Variants in GYG1 observed in about 807,000 individuals in gnomAD.
GYG1 encodes the protein glycogenin-1.
GYG1 carries 44 observed loss-of-function variants against 41.9 expected under a neutral mutation model. That is an observed-to-expected ratio of 1.05 (90% confidence interval 0.83 to 1.35). The LOEUF (loss-of-function observed/expected upper bound fraction) is 1.35, where lower values mean the gene tolerates loss of function less well. GYG1 is among the 40% of genes most tolerant of loss of function. The probability of loss-of-function intolerance (pLI) is 0.00; values close to 1 mark genes in which losing one functional copy is unlikely to be tolerated. For synonymous variants in GYG1, 141 were observed against 158.1 expected (o/e 0.89, Z 0.81); for missense variants, 429 against 418.9 (o/e 1.02, Z -0.21).
intron 5 of GYG1, among the ~76,000 whole-genome samples, chr3:149,011,107 T>C (rs956753640): frequency 2.0e-5 from 3 of 152,086 alleles, no homozygotes; most frequent in Non-Finnish European, 4.4e-5. Flanking sequence ...CTTTGTACAA[T>C]GGGAACAAGC....
At chr3:149,000,545 A>G (rs374791254) in intron 4 of GYG1, among the ~76,000 whole-genome samples, 29 of 152,348 alleles carry the variant, frequency 1.9e-4, no homozygotes, top group African/African-American at 6.5e-4. Context: ...CTCTGAAGAA[A>G]TCAACCTGAA....
Position 149,026,851 on chromosome 3 carries a change from G to A in GYG1, c.971G>A (p.Arg324Gln), listed in dbSNP as rs567555713. 1.1e-5 allele frequency: 17 copies of A among 1,613,974 alleles called. No individual in the cohort carries two copies. The highest frequency in any genetic ancestry group is 6.7e-5 in the African/African-American group (5 of 75,048). The change falls in exon 8 of 8, where the codon CGA becomes CAA. Residue 324 changes from arginine (R) to glutamine (Q), a missense_variant. By Grantham distance (43) the Arg-to-Gln change is conservative. Transcript: ENST00000345003. ...GTATCCTCGGAAGAACGGAAGGAAC[G>A]ATGGGAACAGGGCCAGGCTGATTAT... is the stretch of plus-strand genomic sequence containing the variant. ...PFVSSEERKERWEQGQADYMG... is the reference protein window; with the variant it reads ...PFVSSEERKEQWEQGQADYMG...
Position 149,030,962 on chromosome 3 carries a change from T to C in GYG1, c.*4029T>C, listed in dbSNP as rs1385970684. ...TTCCAACACTCTTAAGTCTCAGGTA[T>C]TCTTAAATCTGTATCATCAAACATG... is the stretch of plus-strand genomic sequence containing the variant. On this transcript the variant is annotated 3_prime_UTR_variant, in exon 8 of 8. Coordinates refer to ENST00000345003, the MANE Select transcript of GYG1 (RefSeq NM_004130.4). 6.6e-6 allele frequency: 1 copy of C among 152,202 alleles called. No individual in the cohort carries two copies. Among genetic ancestry groups the C allele is most frequent in the Non-Finnish European group, 1.5e-5 (1 of 68,028 alleles). 9.4% of individuals were successfully genotyped at this position (152,202 alleles called of 1,614,324 possible).
intron 4 of GYG1, among the ~76,000 whole-genome samples, chr3:149,003,493 C>A (rs188981866): frequency 6.6e-6 from 1 of 152,128 alleles, no homozygotes; most frequent in Admixed American, 6.5e-5. Flanking sequence ...TCTGAATCTT[C>A]CTATTATGTG....
chr3:148,995,301 TTGTGA>T (rs2107885812), intron 2 of GYG1, among the ~76,000 whole-genome samples: 1 of 152,308 alleles, frequency 6.6e-6, no homozygotes, highest in South Asian at 2.1e-4. Context: ...ACTAGTAACT[TTGTGA>T]TGTGTTTATT....
intron 5 of GYG1, among the ~76,000 whole-genome samples, chr3:149,019,910 G>A (rs956528707): frequency 1.3e-5 from 2 of 152,240 alleles, no homozygotes; most frequent in Non-Finnish European, 2.9e-5. Context: ...GCCATGCTGG[G>A]ATACGGACAG....
intron 4 of GYG1, among the ~76,000 whole-genome samples, chr3:148,999,719 G>T (rs1336334231): frequency 1.3e-5 from 2 of 152,052 alleles, no homozygotes; most frequent in Non-Finnish European, 2.9e-5. Context: ...AAAGTAAATA[G>T]TCTTAAATAT....
Position 148,994,198 on chromosome 3 carries a change from C to T in GYG1, c.64C>T (p.Leu22=). Reference sequence around the variant, plus strand: ...TGCCTACGCCAAAGGTGCCCTGGTCCTGGGATCATCTCTGAAACAGCACAG... The same window carrying T: ...TGCCTACGCCAAAGGTGCCCTGGTCTTGGGATCATCTCTGAAACAGCACAG... ...NDAYAKGALV[L]GSSLKQHRTT... is the part of the protein sequence containing the mutation. Residue 22 remains leucine, a synonymous_variant, in exon 2 of 8, where the codon CTG becomes TTG. Transcript: ENST00000345003. 1 of 1,613,962 alleles carries T rather than the reference C, an allele frequency of 6.2e-7. No individual in the cohort carries two copies. The highest frequency in any genetic ancestry group is 8.5e-7 in the Non-Finnish European group (1 of 1,179,878).
chr3:148,994,415 A>G (rs779408799), intron 2 of GYG1, 138 bp downstream of exon 2: 14 of 912,718 alleles, frequency 1.5e-5, no homozygotes, highest in Admixed American at 1.3e-4. Context: ...TGCTGAGTGC[A>G]GGATTGCTGT....
intron 4 of GYG1, among the ~76,000 whole-genome samples, chr3:148,998,432 C>G (rs1204160843): frequency 1.3e-5 from 2 of 152,108 alleles, no homozygotes; most frequent in Non-Finnish European, 2.9e-5. Flanking sequence ...GCTAAACATC[C>G]TACAATGCAC....
At chr3:148,999,135 C>A (rs1262360811) in intron 4 of GYG1, among the ~76,000 whole-genome samples, 1 of 152,182 alleles carries the variant, frequency 6.6e-6, no homozygotes, top group Non-Finnish European at 1.5e-5. Flanking sequence ...AACTAACTAA[C>A]CTATTCTTTG....
chr3:149,031,569 T>A lies in GYG1; in HGVS notation c.*4636T>A, dbSNP rs1715050982. ...TTTAAACAATGAGTGTAGTACTACT[T>A]AACTAAAATGGAAAAAATAGTACTC... On this transcript the variant is annotated 3_prime_UTR_variant, in exon 8 of 8. Coordinates refer to ENST00000345003, the MANE Select transcript of GYG1 (RefSeq NM_004130.4). 1 of 152,410 alleles carries A rather than the reference T, an allele frequency of 6.6e-6. No individual in the cohort carries two copies. Among genetic ancestry groups the A allele is most frequent in the African/African-American group, 2.4e-5 (1 of 41,334 alleles). 9.4% of individuals were successfully genotyped at this position (152,410 alleles called of 1,614,324 possible). A position where few individuals can be genotyped will look rare whatever the true frequency, so the allele number is the denominator to read the frequency against.
intron 4 of GYG1, among the ~76,000 whole-genome samples, chr3:148,998,848 G>C (rs75256932): frequency 0.018 from 2,668 of 152,306 alleles, 77 homozygotes; most frequent in African/African-American, 0.062. Flanking sequence ...CTTCTCGTCA[G>C]AGTGTAGCTT....
intron 4 of GYG1, among the ~76,000 whole-genome samples, chr3:149,003,315 C>T (rs577684686): frequency 1.3e-5 from 2 of 151,946 alleles, no homozygotes; most frequent in East Asian, 3.9e-4. Context: ...GGGGTTTCAC[C>T]ATGTTGGCCA....
At chr3:149,022,167 C>T (rs1714404806) in intron 5 of GYG1, among the ~76,000 whole-genome samples, 1 of 152,144 alleles carries the variant, frequency 6.6e-6, no homozygotes, top group Admixed American at 6.5e-5. Flanking sequence ...CCTATTTTTG[C>T]TTTGACACTT....
intron 4 of GYG1, among the ~76,000 whole-genome samples, chr3:149,005,644 C>G (rs555608672): frequency 6.6e-6 from 1 of 152,158 alleles, no homozygotes; most frequent in Non-Finnish European, 1.5e-5. Flanking sequence ...GTAAGGCATT[C>G]TGCTACATGT....
Position 149,009,389 on chromosome 3 carries a change from C to A in GYG1, c.595C>A (p.Pro199Thr), listed in dbSNP as rs770754641. The A allele has an allele frequency of 2.5e-6, 4 of 1,613,502 alleles. No individual in the cohort carries two copies. The African/African-American group carries it at 5.3e-5, about 22-fold the overall frequency. Residue 199 changes from proline to threonine, a missense_variant, in exon 5 of 8, where the codon CCG (proline) becomes ACG (threonine). By Grantham distance (38) the Pro-to-Thr change is conservative. Transcript: ENST00000345003. ...CAGCATCTCTATATACTCCTACCTC[C>A]CGGCATTTAAAGTGTAAGTGCAGAT... is the stretch of plus-strand genomic sequence containing the variant. ...LSSISIYSYL[P>T]AFKVFGASAK... is the part of the protein sequence containing the mutation.
intron 5 of GYG1, among the ~76,000 whole-genome samples, chr3:149,020,646 C>G (rs531443951): frequency 8.5e-5 from 13 of 152,306 alleles, no homozygotes; most frequent in African/African-American, 3.1e-4. Flanking sequence ...CATTAGTAAA[C>G]TGTCAAGAGA....
rs1212897737 is a variant in GYG1 at position 149,025,471 on chromosome 3, T to TG, written c.829-976dup. ...CATGGACTACTGCTGGTCCGTGGCCTGGGGGTTGGGGACCCCTGTCATACA... is the reference window on the plus strand; with the variant it reads ...CATGGACTACTGCTGGTCCGTGGCCTGGGGGGTTGGGGACCCCTGTCATACA... On this transcript the variant is annotated intron_variant, in intron 6 of 7. Coordinates refer to ENST00000345003, the MANE Select transcript of GYG1 (RefSeq NM_004130.4). Among the ~76,000 whole-genome samples the TG allele has an allele frequency of 3.9e-5, 6 of 152,274 alleles. No individual in the cohort carries two copies. In the South Asian group the frequency reaches 1.2e-3, roughly 32 times the overall value.
Sources: gnomAD v4.1 joint callset for allele counts (sites outside exome capture counted in the v4.1 genomes callset) on GRCh38, gnomAD v4.1.1 for gene constraint, MANE v1.5 for transcripts, NCBI Gene and HGNC (gene_info 2026-07-23, HGNC 2026-07-21) for gene names.